FSIP1: variants seen among roughly 807,000 people sequenced by gnomAD.
The protein encoded by FSIP1 is fibrous sheath-interacting protein 1.
FSIP1 carries 65 observed loss-of-function variants against 60.9 expected under a neutral mutation model. The observed-to-expected ratio is 1.07, with a 90% confidence interval of 0.87 to 1.31. The LOEUF is 1.31. Among genes scored for constraint, FSIP1 ranks in the 40% most tolerant of loss-of-function variants. The probability of loss-of-function intolerance (pLI) is 0.00; values close to 1 mark genes in which losing one functional copy is unlikely to be tolerated. For synonymous variants in FSIP1, 209 were observed against 221.2 expected (o/e 0.94, Z 0.49); for missense variants, 675 against 665.5 (o/e 1.01, Z -0.16).
At chr15:39,655,015 T>C (rs1307852318) in intron 10 of FSIP1, among the ~76,000 whole-genome samples, 1 of 152,228 alleles carries the variant, frequency 6.6e-6, no homozygotes, top group East Asian at 1.9e-4. Context: ...TTATGTGCTA[T>C]TGCTTGAGCT....
chr15:39,635,430 T>C (rs1056401204), intron 10 of FSIP1, among the ~76,000 whole-genome samples: 1 of 152,112 alleles, frequency 6.6e-6, no homozygotes, highest in Non-Finnish European at 1.5e-5. Flanking sequence ...AGAGGACACA[T>C]GTTCCAGTAA....
chr15:39,657,903 A>T (rs1338929996), intron 10 of FSIP1, among the ~76,000 whole-genome samples: 2 of 152,244 alleles, frequency 1.3e-5, no homozygotes, highest in Non-Finnish European at 2.9e-5. Context: ...GAAGTCATCA[A>T]CAAAAAATTC....
chr15:39,667,460 G>C (rs1468826790), intron 10 of FSIP1, among the ~76,000 whole-genome samples: 2 of 152,172 alleles, frequency 1.3e-5, no homozygotes, highest in Non-Finnish European at 2.9e-5. Flanking sequence ...AGGCTTATCA[G>C]AAGAGGATTG....
chr15:39,689,893 G>A (rs1421075050), intron 10 of FSIP1, among the ~76,000 whole-genome samples: 1 of 152,062 alleles, frequency 6.6e-6, no homozygotes, highest in Non-Finnish European at 1.5e-5. Flanking sequence ...CTTTTCTTGA[G>A]TCATTCATTT....
chr15:39,741,577 T>G (rs372169534), intron 6 of FSIP1, among the ~76,000 whole-genome samples: 1 of 152,246 alleles, frequency 6.6e-6, no homozygotes, highest in Non-Finnish European at 1.5e-5. Flanking sequence ...CAGCTTTTTT[T>G]AAAAACTCTT....
At chr15:39,741,957 T>C in intron 5 of FSIP1, 57 bp from the exon 6 acceptor site, 1 of 920,934 alleles carries the variant, frequency 1.1e-6, no homozygotes, top group Non-Finnish European at 1.8e-6. Context: ...AGTAGTTGTC[T>C]ACAAAATTGT....
At chr15:39,714,707 A>G (rs1481121131) in intron 9 of FSIP1, among the ~76,000 whole-genome samples, 5 of 151,560 alleles carry the variant, frequency 3.3e-5, no homozygotes, top group African/African-American at 1.2e-4. Context: ...GGTGGCTCAT[A>G]CCTGTAACCC....
intron 10 of FSIP1, among the ~76,000 whole-genome samples, chr15:39,636,690 A>G (rs890078917): frequency 6.6e-6 from 1 of 152,200 alleles, no homozygotes; most frequent in Non-Finnish European, 1.5e-5. Context: ...TACCCAAACC[A>G]AATACCAAAA....
intron 7 of FSIP1, among the ~76,000 whole-genome samples, chr15:39,739,257 T>C (rs1044556003): frequency 6.6e-6 from 1 of 152,148 alleles, no homozygotes; most frequent in African/African-American, 2.4e-5. Context: ...GCCAGGAGCA[T>C]TTTCCATTCA....
intron 10 of FSIP1, among the ~76,000 whole-genome samples, chr15:39,709,240 G>A (rs1895398335): frequency 6.6e-6 from 1 of 152,108 alleles, no homozygotes; most frequent in African/African-American, 2.4e-5. Context: ...CCAATTCAGT[G>A]GCCACAGATT....
chr15:39,744,189 C>A (rs779534237), intron 5 of FSIP1, among the ~76,000 whole-genome samples: 11 of 152,000 alleles, frequency 7.2e-5, no homozygotes, highest in Non-Finnish European at 1.3e-4. Context: ...ATTTGAGAAT[C>A]CTTTGTACTT....
chr15:39,627,029 G>C (rs1891670258), intron 10 of FSIP1, among the ~76,000 whole-genome samples: 1 of 152,056 alleles, frequency 6.6e-6, no homozygotes, highest in Admixed American at 6.5e-5. Context: ...CCATATAAGA[G>C]AGACCCCTCA....
At chr15:39,641,534 A>G (rs1288604194) in intron 10 of FSIP1, among the ~76,000 whole-genome samples, 1 of 152,248 alleles carries the variant, frequency 6.6e-6, no homozygotes, top group East Asian at 1.9e-4. Flanking sequence ...TTGAAAGCAA[A>G]TAAGCACTAT....
At chr15:39,719,580 A>G (rs1456116514) in intron 9 of FSIP1, among the ~76,000 whole-genome samples, 1 of 152,242 alleles carries the variant, frequency 6.6e-6, no homozygotes, top group Non-Finnish European at 1.5e-5. Context: ...CTGATATGCA[A>G]ATAAGGCATG....
rs1275379148 is a variant in FSIP1 at position 39,600,932 on chromosome 15, C to T, written c.1700-6G>A. On this transcript the variant is annotated splice_region_variant and splice_polypyrimidine_tract_variant and intron_variant, in intron 11 of 11. Transcript: ENST00000350221. ...ATCTTTAGTCTCCTGCTCATCTGCA[C>T]ATAAAAACAATAACCACAGTTATTA... The T allele has an allele frequency of 6.2e-7, 1 of 1,603,698 alleles. No individual in the cohort carries two copies. The highest frequency in any genetic ancestry group is 1.3e-5 in the African/African-American group (1 of 74,456).
At chr15:39,769,251 C>T (rs1169584068) in intron 3 of FSIP1, among the ~76,000 whole-genome samples, 3 of 150,654 alleles carry the variant, frequency 2.0e-5, no homozygotes, top group Admixed American at 6.6e-5. Flanking sequence ...TGCACTCCAG[C>T]CTGGGCGACA....
At chr15:39,763,142 C>T (rs542814759) in intron 5 of FSIP1, among the ~76,000 whole-genome samples, 1 of 152,056 alleles carries the variant, frequency 6.6e-6, no homozygotes, top group Admixed American at 6.6e-5. Context: ...ATAGATTATA[C>T]ATGTGTTACC....
chr15:39,625,202 G>A (rs1302552547), intron 10 of FSIP1, among the ~76,000 whole-genome samples: 1 of 152,144 alleles, frequency 6.6e-6, no homozygotes, highest in Non-Finnish European at 1.5e-5. Flanking sequence ...GTGATGGCTC[G>A]TCTCCCGTGG....
intron 10 of FSIP1, among the ~76,000 whole-genome samples, chr15:39,658,558 C>T (rs1893166341): frequency 6.6e-6 from 1 of 152,046 alleles, no homozygotes; most frequent in Non-Finnish European, 1.5e-5. Context: ...CCTAAACAGA[C>T]ATGATAATCT....
Sources: allele counts gnomAD v4.1 joint callset (sites outside exome capture counted in the v4.1 genomes callset), GRCh38; gene constraint gnomAD v4.1.1; transcripts MANE v1.5; gene names NCBI Gene and HGNC (gene_info 2026-07-23, HGNC 2026-07-21).